LAMB3: variants seen among roughly 807,000 people sequenced by gnomAD.
LAMB3 encodes laminin subunit beta 3, also known as laminin subunit beta-3.
Under a neutral mutation model 140.3 loss-of-function variants are expected in LAMB3, and 104 were observed. The observed-to-expected ratio is 0.74, with a 90% CI of 0.63 to 0.87. The LOEUF (loss-of-function observed/expected upper bound fraction) is 0.87. Ranked by LOEUF, LAMB3 falls within the 40% of genes least tolerant of loss-of-function variation. The pLI is 0.00. For synonymous variants in LAMB3, 592 were observed against 602.9 expected (o/e 0.98, Z 0.26); for missense variants, 1,531 against 1,575.2 (o/e 0.97, Z 0.47).
rs147986178 is a variant in LAMB3 at position 209,627,445 on chromosome 1, C to T, written c.1423G>A (p.Gly475Ser). 107 of 1,613,870 alleles carry T rather than the reference C, an allele frequency of 6.6e-5. No individual in the cohort carries two copies. Among genetic ancestry groups the T allele is most frequent in the Non-Finnish European group, 8.7e-5 (103 of 1,180,032 alleles). ...CAGGCACACGGTTCACAGCCCTGGCCACTGGCCAGCTTCCAGTGGTAGGGA... is the reference window on the plus strand; with the variant it reads ...CAGGCACACGGTTCACAGCCCTGGCTACTGGCCAGCTTCCAGTGGTAGGGA... ...CAPYHWKLAS[G>S]QGCEPCACDP... The change falls in exon 12 of 23, where the codon GGC becomes AGC. Residue 475 changes from glycine to serine, a missense_variant. Transcript: ENST00000356082.
At chr1:209,617,294 T>G in intron 21 of LAMB3, 116 bp downstream of exon 21, 1 of 1,175,164 alleles carries the variant, frequency 8.5e-7, no homozygotes, top group Non-Finnish European at 1.3e-6. Context: ...CCTCTTCTGG[T>G]TCTGTTATTC....
At chr1:209,617,639 G>C (rs1666021736) in intron 20 of LAMB3, 53 bp from the exon 21 acceptor site, 2 of 1,599,170 alleles carry the variant, frequency 1.3e-6, no homozygotes, top group Non-Finnish European at 1.7e-6. Context: ...TAGGTCGGGG[G>C]GTTCATCCCC....
intron 3 of LAMB3, among the ~76,000 whole-genome samples, chr1:209,640,547 CA>C (rs879572029): frequency 1.4e-3 from 194 of 139,222 alleles, no homozygotes; most frequent in Middle Eastern, 3.8e-3. Flanking sequence ...GACTCTGTCT[CA>C]AAAAAAAAAA....
Position 209,628,171 on chromosome 1 carries a change from A to G in LAMB3, c.1152T>C (p.Asp384=). 6.4e-7 allele frequency: 1 copy of G among 1,563,298 alleles called. No homozygotes were observed. The highest frequency in any genetic ancestry group is 1.2e-5 in the South Asian group (1 of 85,236). The change falls in exon 11 of 23, where the codon GAT becomes GAC. Residue 384 remains aspartate, a synonymous_variant. Transcript: ENST00000356082. ...ETCISCECDP[D]GAVPGAPCDP... ...CACAGGGAGCCCCTGGCACTGCCCC[A>G]TCCGGATCACACTCGCAGGCTGAGA... is the stretch of plus-strand genomic sequence containing the variant.
chr1:209,632,135 C>T (rs909122493), intron 8 of LAMB3, among the ~76,000 whole-genome samples: 2 of 152,196 alleles, frequency 1.3e-5, no homozygotes, highest in Non-Finnish European at 1.5e-5. Flanking sequence ...CTCACCGTGC[C>T]CCATATCTCA....
chr1:209,638,776 C>A, intron 3 of LAMB3, 128 bp from the exon 4 acceptor site: 1 of 701,008 alleles, frequency 1.4e-6, no homozygotes, highest in Non-Finnish European at 2.6e-6. Flanking sequence ...TTTATTAATA[C>A]AATTTGAAGG....
intron 8 of LAMB3, among the ~76,000 whole-genome samples, chr1:209,631,865 C>T (rs1036635646): frequency 2.0e-5 from 3 of 152,218 alleles, no homozygotes; most frequent in Non-Finnish European, 4.4e-5. Flanking sequence ...TGTGCCACCT[C>T]TATTTCCCAC....
chr1:209,629,013 ACAAACAT>A lies in LAMB3; in HGVS notation c.1132+717_1132+723del, dbSNP rs1279598264. On this transcript the variant is annotated intron_variant, in intron 10 of 22. Transcript: ENST00000356082. The stretch of plus-strand genomic sequence containing the variant: ...CAGTTCTGTCTCACTCTTCCCAGAA[ACAAACAT>A]CAACAGAAAGTGACTCAGCTTTCCC... 4.6e-5 allele frequency among the ~76,000 whole-genome samples: 7 copies of A among 152,202 alleles called. No individual in the cohort carries two copies. The East Asian group carries it at 1.3e-3, about 29-fold the overall frequency.
intron 21 of LAMB3, 74 bp from the exon 22 acceptor site, chr1:209,616,698 A>T: frequency 1.4e-6 from 2 of 1,439,404 alleles, no homozygotes; most frequent in Admixed American, 1.8e-5. Flanking sequence ...AAAGCACTTG[A>T]TATCACCCAA....
At chr1:209,648,826 C>A (rs1011230126) in intron 3 of LAMB3, among the ~76,000 whole-genome samples, 1 of 151,970 alleles carries the variant, frequency 6.6e-6, no homozygotes, top group Non-Finnish European at 1.5e-5. Flanking sequence ...GTGGAGGGAA[C>A]AGCCAAAATC....
chr1:209,622,340 T>A (rs1278968603), intron 18 of LAMB3, among the ~76,000 whole-genome samples, 196 bp downstream of exon 18: 1 of 152,060 alleles, frequency 6.6e-6, no homozygotes, highest in Middle Eastern at 3.2e-3. Context: ...TGAGAATGGG[T>A]CACAAGGGAT....
At chr1:209,619,218 A>T (rs977119447) in intron 18 of LAMB3, among the ~76,000 whole-genome samples, 1 of 152,200 alleles carries the variant, frequency 6.6e-6, no homozygotes, top group Admixed American at 6.5e-5. Flanking sequence ...ACTGTAGCAC[A>T]CCTTATCGTC....
chr1:209,648,455 G>T (rs182129874), intron 3 of LAMB3, among the ~76,000 whole-genome samples: 31 of 152,320 alleles, frequency 2.0e-4, no homozygotes, highest in Non-Finnish European at 3.7e-4. Flanking sequence ...AACAGCCAGT[G>T]CTTCTCAGCT....
chr1:209,643,263 T>C (rs1184200823), intron 3 of LAMB3, among the ~76,000 whole-genome samples: 1 of 152,234 alleles, frequency 6.6e-6, no homozygotes, highest in African/African-American at 2.4e-5. Context: ...GTAAGCGTCG[T>C]GTGCATGTGT....
intron 10 of LAMB3, 41 bp from the exon 11 acceptor site, chr1:209,628,231 A>G (rs933756160): frequency 3.2e-6 from 5 of 1,548,998 alleles, no homozygotes; most frequent in Admixed American, 2.0e-5. Flanking sequence ...AACAAAGAAA[A>G]GTAGAGTTCA....
At position 209,623,795 on chromosome 1, in the gene LAMB3, C is replaced by T. The variant is rs370445338; in HGVS notation, c.2137+45G>A. The T allele has an allele frequency of 4.2e-5, 68 of 1,613,546 alleles. No individual in the cohort carries two copies. Among genetic ancestry groups the T allele is most frequent in the East Asian group, 4.0e-4 (18 of 44,876 alleles). On this transcript the variant is annotated intron_variant, in intron 15 of 22. Transcript: ENST00000356082. The surrounding 1 kb of genome is among the most constrained non-coding windows in gnomAD (Gnocchi z 4.2). ...GGGAGAGGGGGTGGCATGCCCACCACGGCAGTGCCCATGCCCGGGGTTATC... is the reference window on the plus strand; with the variant it reads ...GGGAGAGGGGGTGGCATGCCCACCATGGCAGTGCCCATGCCCGGGGTTATC...
At chr1:209,634,784 C>T in intron 5 of LAMB3, 146 bp from the exon 6 acceptor site, 1 of 657,190 alleles carries the variant, frequency 1.5e-6, no homozygotes. Context: ...GGGTCCAAAC[C>T]TCCTGGCATA....
Position 209,629,891 on chromosome 1 carries a change from G to A in LAMB3, c.978C>T (p.His326=), listed in dbSNP as rs145473444. 10 of 1,614,134 alleles carry A rather than the reference G, an allele frequency of 6.2e-6. No individual in the cohort carries two copies. In the African/African-American group the frequency reaches 1.3e-4, roughly 22 times the overall value. ...CDCNGHSETC[H]FDPAVFAASQ... ...TGGCGGCAAACACAGCGGGGTCAAAGTGACATGTCTCTGAGTGCCCATTGC... is the reference window on the plus strand; with the variant it reads ...TGGCGGCAAACACAGCGGGGTCAAAATGACATGTCTCTGAGTGCCCATTGC... Residue 326 remains histidine (H), a synonymous_variant, in exon 10 of 23, where the codon CAC becomes CAT. Transcript: ENST00000356082.
chr1:209,650,833 C>T (rs1005916043), intron 2 of LAMB3, 84 bp downstream of exon 2: 19 of 1,335,918 alleles, frequency 1.4e-5, no homozygotes, highest in Non-Finnish European at 2.1e-5. Flanking sequence ...GTGATGCCCA[C>T]ACTTTGGTAA....
Sources: gnomAD v4.1 joint callset for allele counts (sites outside exome capture counted in the v4.1 genomes callset) on GRCh38, gnomAD v4.1.1 for gene constraint, Gnocchi (gnomAD v3.1) non-coding constraint, MANE v1.5 for transcripts, NCBI Gene and HGNC (gene_info 2026-07-23, HGNC 2026-07-21) for gene names.